Variants in PPRC1 observed in about 807,000 individuals in gnomAD.
The protein encoded by PPRC1 is PPARG related coactivator 1.
PPRC1 carries 23 observed loss-of-function variants against 132.5 expected under a neutral mutation model. The observed-to-expected ratio is 0.17, with a 90% CI of 0.12 to 0.25. The LOEUF (loss-of-function observed/expected upper bound fraction) is 0.25, where lower values mean the gene tolerates loss of function less well. PPRC1 is among the 10% of genes least tolerant of loss of function. PPRC1 has a pLI of 1.00. For synonymous variants in PPRC1, 872 were observed against 833.5 expected (o/e 1.05, Z -0.80); for missense variants, 2,006 against 2,089.1 (o/e 0.96, Z 0.78).
At chr10:102,145,981 A>G (rs1359598602) in intron 8 of PPRC1, among the ~76,000 whole-genome samples, 1 of 152,210 alleles carries the variant, frequency 6.6e-6, no homozygotes, top group East Asian at 1.9e-4. Context: ...GAGAAACTCT[A>G]TCAGGTGGTA....
In PPRC1 at chr10:102,141,338, C is replaced by T. The variant is rs771039638; in HGVS notation, c.2830C>T (p.Pro944Ser). Residue 944 changes from proline to serine, a missense_variant, in exon 5 of 14, where the codon CCC becomes TCC. Around this residue, in one of 2 missense-constraint regions of PPRC1, gnomAD observed 1,914 missense variants for 1,917.2 expected, o/e 1.00. Transcript: ENST00000278070. ...TTGCCTGCCCCCCCCACCAACGGTGCCCCTAGTGTCTGGTACTCCTGGTGC... is the reference window on the plus strand; with the variant it reads ...TTGCCTGCCCCCCCCACCAACGGTGTCCCTAGTGTCTGGTACTCCTGGTGC... ...YPCLPPPPTV[P>S]LVSGTPGAYA... 5.6e-6 allele frequency: 9 copies of T among 1,614,118 alleles called. No homozygotes were observed. Among genetic ancestry groups the T allele is most frequent in the East Asian group, 2.2e-5 (1 of 44,868 alleles).
Position 102,133,200 on chromosome 10 carries a change from C to T in PPRC1, c.132C>T (p.Gly44=), listed in dbSNP as rs1328051621. ...GCCAAGCGCCGTATGGGACTTTGGG[C>T]GCTGTGAGCGGCGGCGAGCAGGTGA... ...SRSQAPYGTL[G]AVSGGEQVLL... is the part of the protein sequence containing the mutation. Residue 44 remains glycine (G), a synonymous_variant, in exon 1 of 14, where the codon GGC becomes GGT. Coordinates refer to ENST00000278070, the MANE Select transcript of PPRC1 (RefSeq NM_015062.5). The T allele has an allele frequency of 7.8e-7, 1 of 1,281,562 alleles. No homozygotes were observed. The highest frequency in any genetic ancestry group is 9.9e-7 in the Non-Finnish European group (1 of 1,007,462). The allele number at this position is 1,281,562 out of a possible 1,614,324, so 79.4% of individuals were successfully genotyped here.
Position 102,148,802 on chromosome 10 carries a change from CA to C in PPRC1, c.4618-14del. On this transcript the variant is annotated splice_polypyrimidine_tract_variant and intron_variant, in intron 11 of 13. Coordinates refer to ENST00000278070, the MANE Select transcript of PPRC1 (RefSeq NM_015062.5). The surrounding 1 kb of genome is among the most constrained non-coding windows in gnomAD (Gnocchi z 4.2). The stretch of plus-strand genomic sequence containing the variant: ...GGCTAATGGTGTGTTGATTTTTTTT[CA>C]TTTCCAAACATAGGAAGAAAGAAGG... 3 of 1,613,618 alleles carry C rather than the reference CA, an allele frequency of 1.9e-6. No homozygotes were observed. The highest frequency in any genetic ancestry group is 2.5e-6 in the Non-Finnish European group (3 of 1,179,878).
In PPRC1 at chr10:102,141,344, G is replaced by A; in HGVS notation, c.2836G>A (p.Val946Met). 2 of 1,614,060 alleles carry A rather than the reference G, an allele frequency of 1.2e-6. No individual in the cohort carries two copies. Among genetic ancestry groups the A allele is most frequent in the African/African-American group, 1.3e-5 (1 of 75,024 alleles). ...GCCCCCCCCACCAACGGTGCCCCTA[G>A]TGTCTGGTACTCCTGGTGCCTATGC... ...CLPPPPTVPLVSGTPGAYAVP... is the reference protein window; with the variant it reads ...CLPPPPTVPLMSGTPGAYAVP... Residue 946 changes from valine to methionine, a missense_variant, in exon 5 of 14, where the codon GTG becomes ATG. Val to Met is a conservative substitution (Grantham distance 21). Coordinates refer to ENST00000278070, the MANE Select transcript of PPRC1 (RefSeq NM_015062.5).
intron 1 of PPRC1, 43 bp downstream of exon 1, chr10:102,133,264 G>A (rs749991163): frequency 2.0e-5 from 25 of 1,252,388 alleles, no homozygotes; most frequent in South Asian, 3.9e-5. Flanking sequence ...GCAAAGCGGT[G>A]TGTGCCGGGC....
chr10:102,145,116 C>G (rs2069164661), intron 8 of PPRC1, 26 bp downstream of exon 8: 1 of 1,587,986 alleles, frequency 6.3e-7, no homozygotes, highest in Admixed American at 1.7e-5. Context: ...GGAATTCTGC[C>G]TGTGATTAGT....
In PPRC1 at chr10:102,140,525, C is replaced by G. The variant is rs1268084377; in HGVS notation, c.2017C>G (p.Pro673Ala). 6.2e-7 allele frequency: 1 copy of G among 1,614,066 alleles called. No homozygotes were observed. Reference protein sequence around the residue: ...PAPVDLALVDPVPNDLTPVDP... With the variant: ...PAPVDLALVDAVPNDLTPVDP... Reference sequence around the variant, plus strand: ...ACCAGTTGATCTAGCACTGGTTGACCCTGTTCCTAATGACCTGACTCCAGT... The same window carrying G: ...ACCAGTTGATCTAGCACTGGTTGACGCTGTTCCTAATGACCTGACTCCAGT... Residue 673 changes from proline (P) to alanine (A), a missense_variant, in exon 5 of 14, where the codon CCT (proline) becomes GCT (alanine). By Grantham distance (27) the Pro-to-Ala change is conservative. Transcript: ENST00000278070.
At chr10:102,132,918 C>T (rs1302125179), upstream of PPRC1, 43 of 1,133,302 alleles carry the variant, frequency 3.8e-5, 1 homozygote, top group South Asian at 1.8e-3. Context: ...GAGGCCAGGG[C>T]CTTCTTCCAG....
Position 102,137,974 on chromosome 10 carries a change from C to A in PPRC1, c.278C>A (p.Thr93Asn), listed in dbSNP as rs770045635. 1 of 1,614,042 alleles carries A rather than the reference C, an allele frequency of 6.2e-7. No homozygotes were observed. The highest frequency in any genetic ancestry group is 8.5e-7 in the Non-Finnish European group (1 of 1,180,010). The change falls in exon 2 of 14, where the codon ACC becomes AAC. Residue 93 changes from threonine to asparagine, a missense_variant. Physicochemically the swap from Thr to Asn is moderately conservative, Grantham distance 65. Transcript: ENST00000278070. ...CTGCAGGATGAGACACTGCTGGGGACCATGCAGAGCTACATGGATGCCTCC... is the reference window on the plus strand; with the variant it reads ...CTGCAGGATGAGACACTGCTGGGGAACATGCAGAGCTACATGGATGCCTCC... Reference protein sequence around the residue: ...LMLQDETLLGTMQSYMDASLI... With the variant: ...LMLQDETLLGNMQSYMDASLI...
Position 102,149,971 on chromosome 10 carries a change from T to C in PPRC1, c.4937T>C (p.Phe1646Ser), listed in dbSNP as rs1397146546. The change falls in exon 14 of 14, where the codon TTT becomes TCT. Residue 1646 changes from phenylalanine (F) to serine (S), a missense_variant. Transcript: ENST00000278070. ...GACCCAGCACCTGTAAAGAGCAAAT[T>C]TGATTCTCTTGACTTTGACACATTG... ...DFDPAPVKSKFDSLDFDTLLK... is the reference protein window; with the variant it reads ...DFDPAPVKSKSDSLDFDTLLK... 1 of 1,613,782 alleles carries C rather than the reference T, an allele frequency of 6.2e-7. No homozygotes were observed. The highest frequency in any genetic ancestry group is 8.5e-7 in the Non-Finnish European group (1 of 1,179,824).
chr10:102,126,748 C>T, the PPRC1 span, among the ~76,000 whole-genome samples: 1 of 151,900 alleles, frequency 6.6e-6, no homozygotes, highest in Non-Finnish European at 1.5e-5. Flanking sequence ...TGTAAGACAC[C>T]ACACCCAGCC....
At position 102,139,552 on chromosome 10, in the gene PPRC1, TGTG is replaced by T. The variant is rs766685534; in HGVS notation, c.1046_1048del (p.Val349del). 8.1e-6 allele frequency: 13 copies of T among 1,613,922 alleles called. No individual in the cohort carries two copies. Among genetic ancestry groups the T allele is most frequent in the Non-Finnish European group, 1.1e-5 (13 of 1,179,930 alleles). ...CTGAGGGCTGCGTAGTGCTGGAGAT[TGTG>T]GGGCAGGCAGCCACAGCTGGCGATG... On this transcript the variant is annotated inframe_deletion, in exon 5 of 14. Coordinates refer to ENST00000278070, the MANE Select transcript of PPRC1 (RefSeq NM_015062.5).
At chr10:102,142,104 T>A in intron 5 of PPRC1, 100 bp downstream of exon 5, 2 of 1,386,240 alleles carry the variant, frequency 1.4e-6, no homozygotes, top group Non-Finnish European at 1.9e-6. Context: ...TTGGATTTCT[T>A]TGGAGGAGTT....
Position 102,147,021 on chromosome 10 carries a change from G to A in PPRC1, c.4029G>A (p.Pro1343=), listed in dbSNP as rs545229565. ...TGTCCTTGGGCCCAGCTGCCCCTCCGCCCCCATGCATAGCTGCCTCCCGGG... is the reference window on the plus strand; with the variant it reads ...TGTCCTTGGGCCCAGCTGCCCCTCCACCCCCATGCATAGCTGCCTCCCGGG... ...PVLSLGPAAP[P]PPCIAASREP... Residue 1343 remains proline, a synonymous_variant, in exon 9 of 14, where the codon CCG becomes CCA. Coordinates refer to ENST00000278070, the MANE Select transcript of PPRC1 (RefSeq NM_015062.5). 2.5e-5 allele frequency: 40 copies of A among 1,613,996 alleles called. No individual in the cohort carries two copies. Among genetic ancestry groups the A allele is most frequent in the African/African-American group, 2.0e-4 (15 of 74,958 alleles).
At chr10:102,125,124 G>T in the PPRC1 span, among the ~76,000 whole-genome samples, 4 of 151,794 alleles carry the variant, frequency 2.6e-5, no homozygotes, top group Admixed American at 1.3e-4. Context: ...ACAGAGTCTC[G>T]CTCTGTCACC....
chr10:102,129,339 T>A (rs968432863), upstream of PPRC1, among the ~76,000 whole-genome samples: 3 of 152,154 alleles, frequency 2.0e-5, no homozygotes, highest in Non-Finnish European at 4.4e-5. Context: ...GGCCTATGGC[T>A]CTAAGGTTTT....
In PPRC1 at chr10:102,140,183, C is replaced by CCAA. The variant is rs2068896100; in HGVS notation, c.1676_1678dup (p.Pro559_Lys560insThr). 6.2e-7 allele frequency: 1 copy of CCAA among 1,614,092 alleles called. No homozygotes were observed. The highest frequency in any genetic ancestry group is 1.1e-5 in the South Asian group (1 of 91,086). On this transcript the variant is annotated inframe_insertion, in exon 5 of 14. Transcript: ENST00000278070. ...TAAAGAAGGCCCTCTAGACCTCTAC[C>CCAA]CAAAGCTGGCTGACACTATCCAAAC...
chr10:102,127,716 A>AT, the PPRC1 span, among the ~76,000 whole-genome samples: 9 of 151,284 alleles, frequency 5.9e-5, no homozygotes, highest in South Asian at 2.1e-4. Flanking sequence ...TGCCCAGCTG[A>AT]TTTTTTTTGT....
chr10:102,141,399 C>T lies in PPRC1; in HGVS notation c.2891C>T (p.Ala964Val). Residue 964 changes from alanine (A) to valine (V), a missense_variant, in exon 5 of 14, where the codon GCA becomes GTA. This residue lies in a region of PPRC1 where 1,914 missense variants were observed against 1,917.2 expected (regional missense o/e 1.00). Coordinates refer to ENST00000278070, the MANE Select transcript of PPRC1 (RefSeq NM_015062.5). Reference protein sequence around the residue: ...AVPPTCSVPWAPPPAPVSPYS... With the variant: ...AVPPTCSVPWVPPPAPVSPYS... Reference sequence around the variant, plus strand: ...CCTCCCACTTGCAGTGTGCCTTGGGCACCCCCTCCTGCCCCAGTCTCACCT... The same window carrying T: ...CCTCCCACTTGCAGTGTGCCTTGGGTACCCCCTCCTGCCCCAGTCTCACCT... 6.2e-7 allele frequency: 1 copy of T among 1,614,026 alleles called. No individual in the cohort carries two copies. Among genetic ancestry groups the T allele is most frequent in the Non-Finnish European group, 8.5e-7 (1 of 1,180,026 alleles).
Sources: allele counts gnomAD v4.1 joint callset (sites outside exome capture counted in the v4.1 genomes callset), GRCh38; gene constraint gnomAD v4.1.1; regional missense constraint gnomAD v4.1.1; non-coding constraint Gnocchi (gnomAD v3.1); transcripts MANE v1.5; gene names NCBI Gene and HGNC (gene_info 2026-07-23, HGNC 2026-07-21).